Variants in HS6ST3 observed in about 807,000 individuals in gnomAD.
HS6ST3 encodes heparan-sulfate 6-O-sulfotransferase 3.
A neutral mutation model predicts 36.7 loss-of-function variants in HS6ST3; 12 were observed. The ratio of observed to expected loss-of-function variants is 0.33; its 90% confidence interval spans 0.21 to 0.53. HS6ST3 has a LOEUF of 0.53. Among genes scored for constraint, HS6ST3 ranks in the 20% least tolerant of loss-of-function variants. HS6ST3 has a pLI of 0.95. For synonymous variants in HS6ST3, 240 were observed against 257.5 expected (o/e 0.93, Z 0.65); for missense variants, 584 against 640.9 (o/e 0.91, Z 0.96).
At chr13:96,392,528 G>A (rs1250795436) in intron 1 of HS6ST3, among the ~76,000 whole-genome samples, 1 of 152,174 alleles carries the variant, frequency 6.6e-6, no homozygotes, top group Non-Finnish European at 1.5e-5. Flanking sequence ...TTTGAAGGAA[G>A]TGATGACAGC....
chr13:96,091,012 C>A lies in HS6ST3; in HGVS notation c.150C>A (p.Ala50=). The A allele has an allele frequency of 7.8e-7, 1 of 1,277,232 alleles. No homozygotes were observed. The highest frequency in any genetic ancestry group is 9.9e-7 in the Non-Finnish European group (1 of 1,008,544). 79.1% of individuals were successfully genotyped at this position (1,277,232 alleles called of 1,614,324 possible). ...QPRAGEAGPP[A]VPGPARRAQA... ...GCGCGGGGGAGGCCGGCCCGCCCGC[C>A]GTCCCGGGTCCCGCCCGCCGGGCTC... The change falls in exon 1 of 2, where the codon GCC becomes GCA. Residue 50 remains alanine, a synonymous_variant. Transcript: ENST00000376705.
At chr13:96,588,566 T>A (rs1438585569) in intron 1 of HS6ST3, among the ~76,000 whole-genome samples, 6 of 152,232 alleles carry the variant, frequency 3.9e-5, no homozygotes, top group Admixed American at 3.3e-4. Flanking sequence ...CATCCTTGCA[T>A]CCCTGGGATA....
intron 1 of HS6ST3, among the ~76,000 whole-genome samples, chr13:96,192,946 T>C (rs1171705419): frequency 6.6e-6 from 1 of 152,098 alleles, no homozygotes; most frequent in Non-Finnish European, 1.5e-5. Context: ...TGAGAAGTAT[T>C]ATTGCAGTCA....
chr13:96,747,351 T>C (rs928710182), intron 1 of HS6ST3, among the ~76,000 whole-genome samples: 1 of 152,132 alleles, frequency 6.6e-6, no homozygotes, highest in Non-Finnish European at 1.5e-5. Context: ...AATGATATGG[T>C]TTTCCTTTTT....
intron 1 of HS6ST3, among the ~76,000 whole-genome samples, chr13:96,426,172 G>A (rs532989202): frequency 6.6e-6 from 1 of 152,018 alleles, no homozygotes; most frequent in African/African-American, 2.4e-5. Flanking sequence ...CCCTGCTTCA[G>A]GCAGGGGTCT....
In HS6ST3 at chr13:96,561,747, C is replaced by T. The variant is rs546417742; in HGVS notation, c.708-270743C>T. ...GGAACAGACACTTCTCAAAAGAAGA[C>T]ATACAAGCAGCTAGCAAACATATAA... On this transcript the variant is annotated intron_variant, in intron 1 of 1. Transcript: ENST00000376705. 5.9e-5 allele frequency among the ~76,000 whole-genome samples: 9 copies of T among 152,242 alleles called. No homozygotes were observed. In the South Asian group the frequency reaches 1.9e-3, roughly 32 times the overall value.
chr13:96,154,454 A>G (rs1474886104), intron 1 of HS6ST3, among the ~76,000 whole-genome samples: 1 of 152,170 alleles, frequency 6.6e-6, no homozygotes, highest in Non-Finnish European at 1.5e-5. Flanking sequence ...AAGTGTTTCT[A>G]CAATATTTTA....
At chr13:96,331,657 A>T (rs1353056827) in intron 1 of HS6ST3, among the ~76,000 whole-genome samples, 1 of 152,302 alleles carries the variant, frequency 6.6e-6, no homozygotes, top group South Asian at 2.1e-4. Context: ...CTGCCCCCAG[A>T]GGTGGAGCCT....
At chr13:96,753,606 G>A (rs956109831) in intron 1 of HS6ST3, among the ~76,000 whole-genome samples, 1 of 151,868 alleles carries the variant, frequency 6.6e-6, no homozygotes, top group African/African-American at 2.4e-5. Flanking sequence ...TAATTATTTT[G>A]GGTTTTCTTT....
chr13:96,527,975 T>G (rs1240254336), intron 1 of HS6ST3, among the ~76,000 whole-genome samples: 1 of 152,180 alleles, frequency 6.6e-6, no homozygotes, highest in East Asian at 1.9e-4. Context: ...ACTAAACTCT[T>G]GTAGTCCCTA....
In HS6ST3 at chr13:96,816,570, G is replaced by A. The variant is rs139587498; in HGVS notation, c.708-15920G>A. 5.2e-3 allele frequency among the ~76,000 whole-genome samples: 792 copies of A among 152,270 alleles called. 7 individuals carry two copies. Among genetic ancestry groups the A allele is most frequent in the South Asian group, 0.019 (91 of 4,822 alleles). The stretch of plus-strand genomic sequence containing the variant: ...CAAAATGAATGTGGAAGCATGATGC[G>A]TGAAGACCCTGATTATGAGGGACAA... On this transcript the variant is annotated intron_variant, in intron 1 of 1. Coordinates refer to ENST00000376705, the MANE Select transcript of HS6ST3 (RefSeq NM_153456.4).
intron 1 of HS6ST3, among the ~76,000 whole-genome samples, chr13:96,127,041 A>G (rs1441824300): frequency 2.0e-5 from 3 of 152,132 alleles, no homozygotes; most frequent in Admixed American, 6.5e-5. Flanking sequence ...GTTTTTTCCA[A>G]TCAAAGACAA....
intron 1 of HS6ST3, among the ~76,000 whole-genome samples, chr13:96,387,189 A>G (rs775880911): frequency 1.3e-5 from 2 of 152,220 alleles, no homozygotes; most frequent in Admixed American, 6.5e-5. Context: ...TTTGAGATGC[A>G]TTATGTGACT....
chr13:96,339,235 T>G (rs928728830), intron 1 of HS6ST3, among the ~76,000 whole-genome samples: 5 of 152,168 alleles, frequency 3.3e-5, no homozygotes, highest in Non-Finnish European at 7.3e-5. Flanking sequence ...GAAAACAGTA[T>G]TAAGTTGGCA....
chr13:96,688,080 G>GA (rs1874835520), intron 1 of HS6ST3, among the ~76,000 whole-genome samples: 2 of 4,980 alleles, frequency 4.0e-4, no homozygotes, highest in Non-Finnish European at 2.7e-3. Flanking sequence ...ATGGAATGGG[G>GA]GGGGGGGAGG....
intron 1 of HS6ST3, among the ~76,000 whole-genome samples, chr13:96,596,912 G>A (rs1222398471): frequency 1.3e-5 from 2 of 152,056 alleles, no homozygotes; most frequent in East Asian, 3.9e-4. Flanking sequence ...ATTTATAATA[G>A]CAAAGACATA....
At chr13:96,229,785 C>T (rs981447416) in intron 1 of HS6ST3, among the ~76,000 whole-genome samples, 9 of 152,120 alleles carry the variant, frequency 5.9e-5, no homozygotes, top group Non-Finnish European at 1.3e-4. Context: ...GGGGAGACCC[C>T]CCCCTTTAGG....
Position 96,499,305 on chromosome 13 carries a change from C to T in HS6ST3, c.708-333185C>T, listed in dbSNP as rs151331496. Among the ~76,000 whole-genome samples the T allele has an allele frequency of 9.1e-4, 138 of 152,184 alleles. 1 individual carries two copies. Among genetic ancestry groups the T allele is most frequent in the African/African-American group, 3.3e-3 (136 of 41,530 alleles). On this transcript the variant is annotated intron_variant, in intron 1 of 1. Transcript: ENST00000376705. ...CCTCCCAAAGTGCTAGGATTACAGGCGTGAGCCACCATGCCTGGCCCTGTT... is the reference window on the plus strand; with the variant it reads ...CCTCCCAAAGTGCTAGGATTACAGGTGTGAGCCACCATGCCTGGCCCTGTT...
intron 1 of HS6ST3, among the ~76,000 whole-genome samples, chr13:96,639,578 A>G (rs1205726442): frequency 1.3e-5 from 2 of 152,050 alleles, no homozygotes; most frequent in Non-Finnish European, 2.9e-5. Context: ...TTCAAGGGAT[A>G]CGTGTGCAGG....
Sources: allele counts gnomAD v4.1 joint callset (sites outside exome capture counted in the v4.1 genomes callset), GRCh38; gene constraint gnomAD v4.1.1; transcripts MANE v1.5; gene names NCBI Gene and HGNC (gene_info 2026-07-23, HGNC 2026-07-21).